The following TULP4 variants were observed in gnomAD, a reference collection of about 807,000 sequenced individuals.
The protein encoded by TULP4 is tubby-related protein 4.
A neutral mutation model predicts 129.0 loss-of-function variants in TULP4; 16 were observed. The observed-to-expected ratio is 0.12, with a 90% confidence interval of 0.08 to 0.19. The LOEUF is 0.19. Among genes scored for constraint, TULP4 ranks in the 10% least tolerant of loss-of-function variants. TULP4 has a pLI of 1.00. For synonymous variants in TULP4, 998 were observed against 854.0 expected (o/e 1.17, Z -2.94); for missense variants, 1,842 against 2,059.1 (o/e 0.89, Z 2.04).
chr6:158,432,039 A>T (rs1778640528), intron 3 of TULP4, among the ~76,000 whole-genome samples: 5 of 149,200 alleles, frequency 3.4e-5, no homozygotes. Context: ...TGGGAGGCTC[A>T]CTTGAGCCCA....
At chr6:158,485,830 C>T (rs891311052) in intron 8 of TULP4, among the ~76,000 whole-genome samples, 3 of 152,238 alleles carry the variant, frequency 2.0e-5, no homozygotes, top group African/African-American at 7.2e-5. Context: ...CACTTTCGTA[C>T]TTCCAGTGTC....
At chr6:158,459,197 G>A (rs961774410) in intron 5 of TULP4, among the ~76,000 whole-genome samples, 6 of 152,176 alleles carry the variant, frequency 3.9e-5, no homozygotes, top group African/African-American at 9.7e-5. Flanking sequence ...TTGTGAGGCC[G>A]AGGCGGGTGG....
chr6:158,479,886 A>G lies in TULP4; in HGVS notation c.1162A>G (p.Thr388Ala). 6.2e-7 allele frequency: 1 copy of G among 1,613,396 alleles called. No homozygotes were observed. Among genetic ancestry groups the G allele is most frequent in the South Asian group, 1.1e-5 (1 of 91,074 alleles). The change falls in exon 7 of 14, where the codon ACC (threonine) becomes GCC (alanine). Residue 388 changes from threonine (T) to alanine (A), a missense_variant. This residue lies in a region of TULP4 where 456 missense variants were observed against 534.3 expected (regional missense o/e 0.85). Transcript: ENST00000367097. Reference sequence around the variant, plus strand: ...GCTGTGCCAGCAGGCCATCGCCAGCACCTTGCGTGAGGACAAGGACGTCAG... The same window carrying G: ...GCTGTGCCAGCAGGCCATCGCCAGCGCCTTGCGTGAGGACAAGGACGTCAG... ...QLLCQQAIAS[T>A]LREDKDVSKL...
rs569257841 is a variant in TULP4, at chr6:158,256,280, C to T, written n.68+23977C>T. On this transcript the variant is annotated intron_variant and non_coding_transcript_variant, in intron 1 of 1. Transcript: ENST00000620026. ...TTGTTTTCTTTTTTCTTTGCCAGTG[C>T]GTGCATGTGTGTATGTGTTTCTGTA... is the stretch of plus-strand genomic sequence containing the variant. Among the ~76,000 whole-genome samples, 11 of 152,102 alleles carry T rather than the reference C, an allele frequency of 7.2e-5. No individual in the cohort carries two copies. In the East Asian group the frequency reaches 1.7e-3, roughly 24 times the overall value.
Position 158,285,396 on chromosome 6 carries a change from T to C in TULP4, n.116+3018T>C, listed in dbSNP as rs558238786. Among the ~76,000 whole-genome samples the C allele has an allele frequency of 5.9e-5, 9 of 152,032 alleles. No homozygotes were observed. The South Asian group carries it at 1.9e-3, about 32-fold the overall frequency. On this transcript the variant is annotated intron_variant and non_coding_transcript_variant, in intron 1 of 1. Coordinates refer to the TULP4 transcript ENST00000432358. ...AATATTTCTGTCCAAAAAGTCATTATGCGAGAGTTTTGGCAACGTAAGGAA... is the reference window on the plus strand; with the variant it reads ...AATATTTCTGTCCAAAAAGTCATTACGCGAGAGTTTTGGCAACGTAAGGAA...
chr6:158,409,734 G>C (rs776181062), intron 1 of TULP4, among the ~76,000 whole-genome samples: 50 of 152,200 alleles, frequency 3.3e-4, no homozygotes, highest in Non-Finnish European at 6.6e-4. Flanking sequence ...AAAATCACTG[G>C]AAAGATTTCT....
At chr6:158,421,599 G>A in intron 2 of TULP4, among the ~76,000 whole-genome samples, 1 of 152,174 alleles carries the variant, frequency 6.6e-6, no homozygotes, top group Non-Finnish European at 1.5e-5. Context: ...GATGACAAAT[G>A]TTTCCTATTC....
intron 1 of TULP4, among the ~76,000 whole-genome samples, chr6:158,351,405 G>A (rs2114801130): frequency 6.6e-6 from 1 of 152,280 alleles, no homozygotes. Flanking sequence ...GTTAGCTTCT[G>A]AATAGAGAGG....
intron 2 of TULP4, among the ~76,000 whole-genome samples, chr6:158,419,607 G>T (rs1351375223): frequency 2.0e-5 from 3 of 151,966 alleles, no homozygotes; most frequent in African/African-American, 7.2e-5. Context: ...CAAACTTAAG[G>T]ACATAAACAC....
In TULP4 at chr6:158,502,201, C is replaced by T. The variant is rs780958148; in HGVS notation, c.2538C>T (p.Thr846=). ...CAGGAACCATCCCCGCTGCCCCCACCACAGCAGCACCCCCGCCCCCTCTGC... is the reference window on the plus strand; with the variant it reads ...CAGGAACCATCCCCGCTGCCCCCACTACAGCAGCACCCCCGCCCCCTCTGC... ...PYPGTIPAAP[T]TAAPPPPLPP... Residue 846 remains threonine (T), a synonymous_variant, in exon 13 of 14, where the codon ACC becomes ACT. Transcript: ENST00000367097. 6.6e-7 allele frequency: 1 copy of T among 1,521,206 alleles called. No homozygotes were observed. The highest frequency in any genetic ancestry group is 1.3e-5 in the South Asian group (1 of 79,944). The allele number at this position is 1,521,206 out of a possible 1,614,324, so 94.2% of individuals were successfully genotyped here.
chr6:158,288,586 C>T (rs1583706827), intron 1 of TULP4, among the ~76,000 whole-genome samples: 2 of 152,024 alleles, frequency 1.3e-5, no homozygotes, highest in East Asian at 3.9e-4. Flanking sequence ...CTGCAAGCTC[C>T]GCCTCCCGGG....
At chr6:158,436,588 A>C (rs1405000186) in intron 3 of TULP4, among the ~76,000 whole-genome samples, 1 of 152,186 alleles carries the variant, frequency 6.6e-6, no homozygotes, top group Admixed American at 6.5e-5. Context: ...AGAATTCTTC[A>C]CCTCATACAT....
At chr6:158,351,082 A>G (rs1245414383) in intron 1 of TULP4, among the ~76,000 whole-genome samples, 4 of 152,148 alleles carry the variant, frequency 2.6e-5, no homozygotes, top group South Asian at 2.1e-4. Context: ...GTGGCTGTGT[A>G]TGCTTTCACA....
At chr6:158,467,661 A>G (rs752137559) in intron 6 of TULP4, among the ~76,000 whole-genome samples, 2 of 152,216 alleles carry the variant, frequency 1.3e-5, no homozygotes, top group Admixed American at 6.5e-5. Context: ...GCTTCTTACT[A>G]TCCTTAGGAT....
chr6:158,406,097 A>C (rs904557709), intron 1 of TULP4, among the ~76,000 whole-genome samples: 8 of 152,120 alleles, frequency 5.3e-5, no homozygotes, highest in Admixed American at 3.9e-4. Context: ...TGCTTCCTGA[A>C]TACTCATTGG....
chr6:158,333,163 A>G (rs1779951245), intron 1 of TULP4, among the ~76,000 whole-genome samples: 1 of 152,232 alleles, frequency 6.6e-6, no homozygotes, highest in South Asian at 2.1e-4. Flanking sequence ...GATGTCATGG[A>G]CTGAATGTTT....
chr6:158,234,808 T>G (rs1264812696), intron 1 of TULP4, among the ~76,000 whole-genome samples: 2 of 152,222 alleles, frequency 1.3e-5, no homozygotes, highest in Non-Finnish European at 2.9e-5. Flanking sequence ...TAATGTTAAT[T>G]TAGTTACTAA....
At chr6:158,330,331 ACCTTGGATAAAAGG>A (rs2128491643) in intron 1 of TULP4, among the ~76,000 whole-genome samples, 1 of 152,326 alleles carries the variant, frequency 6.6e-6, no homozygotes, top group South Asian at 2.1e-4. Context: ...GTCCAATAGG[ACCTTGGATAAAAGG>A]CATTTAAAAA....
chr6:158,448,648 A>G (rs1779104101), intron 3 of TULP4, among the ~76,000 whole-genome samples: 2 of 152,218 alleles, frequency 1.3e-5, no homozygotes, highest in Admixed American at 1.3e-4. Flanking sequence ...GTTTTCCAGA[A>G]AAGTAAATGA....
Sources: gnomAD v4.1 joint callset for allele counts (sites outside exome capture counted in the v4.1 genomes callset) on GRCh38, gnomAD v4.1.1 for gene constraint, gnomAD v4.1.1 regional missense constraint, MANE v1.5 for transcripts, NCBI Gene and HGNC (gene_info 2026-07-23, HGNC 2026-07-21) for gene names.